EXT1: variants seen among roughly 807,000 people sequenced by gnomAD.
EXT1 encodes exostosin glycosyltransferase 1.
In EXT1, 20 loss-of-function variants were observed where a neutral mutation model predicts 82.5. The observed-to-expected ratio is 0.24, with a 90% CI of 0.17 to 0.35. The LOEUF (loss-of-function observed/expected upper bound fraction) is 0.35. Ranked by LOEUF, EXT1 falls within the 10% of genes least tolerant of loss-of-function variation. EXT1 has a pLI of 1.00. For synonymous variants in EXT1, 348 were observed against 350.8 expected (o/e 0.99, Z 0.09); for missense variants, 757 against 936.5 (o/e 0.81, Z 2.50).
intron 1 of EXT1, among the ~76,000 whole-genome samples, chr8:118,037,843 T>TTTG (rs1554595720): frequency 1.4e-5 from 2 of 143,112 alleles, no homozygotes; most frequent in African/African-American, 5.2e-5. Context: ...TTTGTTTTTT[T>TTTG]TTTTTTTTTT....
intron 1 of EXT1, among the ~76,000 whole-genome samples, chr8:117,955,090 G>C (rs1275545840): frequency 6.6e-6 from 1 of 152,132 alleles, no homozygotes; most frequent in East Asian, 1.9e-4. Context: ...TATTAAAAAG[G>C]ACATAATGGA....
intron 1 of EXT1, among the ~76,000 whole-genome samples, chr8:117,879,759 A>C (rs890443620): frequency 6.6e-6 from 1 of 152,218 alleles, no homozygotes; most frequent in Admixed American, 6.5e-5. Flanking sequence ...AAAGAGAACT[A>C]GAAATAGTTC....
At chr8:118,026,721 A>T (rs1183865022) in intron 1 of EXT1, among the ~76,000 whole-genome samples, 1 of 152,192 alleles carries the variant, frequency 6.6e-6, no homozygotes, top group Non-Finnish European at 1.5e-5. Context: ...GGGAGGGAAC[A>T]GCATTAGCTA....
chr8:118,033,417 G>C (rs1445230142), intron 1 of EXT1, among the ~76,000 whole-genome samples: 1 of 152,170 alleles, frequency 6.6e-6, no homozygotes, highest in African/African-American at 2.4e-5. Flanking sequence ...ATTTAAGTCA[G>C]ACTTAAGTCA....
intron 8 of EXT1, among the ~76,000 whole-genome samples, chr8:117,809,218 A>AATATATATATAT (rs71307404): frequency 0.04 from 4,310 of 107,682 alleles, 132 homozygotes; most frequent in Non-Finnish European, 0.056. Context: ...TGTGTGTATA[A>AATATATATATAT]ATATATATAT....
intron 1 of EXT1, among the ~76,000 whole-genome samples, chr8:117,936,789 C>G (rs1814172639): frequency 6.6e-6 from 1 of 152,164 alleles, no homozygotes. Flanking sequence ...GCAGGAGAAT[C>G]ACTTGAAACC....
chr8:118,098,572 T>C (rs143820687), intron 1 of EXT1, among the ~76,000 whole-genome samples: 5,465 of 152,018 alleles, frequency 0.036, 193 homozygotes, highest in Admixed American at 0.11. Context: ...CTGGCTAACA[T>C]GGTGAAACCC....
At chr8:117,866,059 T>G (rs540719189) in intron 1 of EXT1, among the ~76,000 whole-genome samples, 2 of 152,056 alleles carry the variant, frequency 1.3e-5, no homozygotes, top group African/African-American at 4.8e-5. Context: ...ACCCCATCTC[T>G]ACTAAAACTA....
At chr8:117,904,979 A>C (rs1266558628) in intron 1 of EXT1, among the ~76,000 whole-genome samples, 1 of 152,206 alleles carries the variant, frequency 6.6e-6, no homozygotes, top group African/African-American at 2.4e-5. Context: ...CTGGACATTT[A>C]AGATGTGTGA....
intron 1 of EXT1, among the ~76,000 whole-genome samples, chr8:118,033,541 T>C (rs17505359): frequency 6.6e-6 from 1 of 152,202 alleles, no homozygotes; most frequent in African/African-American, 2.4e-5. Flanking sequence ...TGCAGTGGCA[T>C]GATCATAGTT....
chr8:118,049,121 A>T (rs1816677775), intron 1 of EXT1, among the ~76,000 whole-genome samples: 1 of 152,242 alleles, frequency 6.6e-6, no homozygotes, highest in Non-Finnish European at 1.5e-5. Flanking sequence ...AAAGAAAAAA[A>T]ACAGGTAGAA....
At chr8:117,967,115 A>G (rs1459686646) in intron 1 of EXT1, among the ~76,000 whole-genome samples, 3 of 152,268 alleles carry the variant, frequency 2.0e-5, no homozygotes, top group Admixed American at 6.5e-5. Flanking sequence ...TGATTAAATC[A>G]TAACACACCA....
At chr8:117,976,183 A>T (rs1815061555) in intron 1 of EXT1, among the ~76,000 whole-genome samples, 1 of 152,250 alleles carries the variant, frequency 6.6e-6, no homozygotes, top group Non-Finnish European at 1.5e-5. Flanking sequence ...GCTTACTATG[A>T]AGCACAATTC....
At chr8:117,938,100 G>C (rs60553718) in intron 1 of EXT1, among the ~76,000 whole-genome samples, 4 of 152,188 alleles carry the variant, frequency 2.6e-5, no homozygotes, top group African/African-American at 9.7e-5. Flanking sequence ...CAGAGATCCA[G>C]AACAGTTTCT....
chr8:117,943,148 G>A (rs1814320835), intron 1 of EXT1, among the ~76,000 whole-genome samples: 1 of 152,218 alleles, frequency 6.6e-6, no homozygotes, highest in Non-Finnish European at 1.5e-5. Flanking sequence ...TCTTTAAAGA[G>A]TATTTGCTAA....
At chr8:117,840,071 T>C (rs986633741) in intron 1 of EXT1, among the ~76,000 whole-genome samples, 1 of 152,174 alleles carries the variant, frequency 6.6e-6, no homozygotes, top group African/African-American at 2.4e-5. Context: ...GTAACAATCA[T>C]AAAAACATTT....
intron 1 of EXT1, among the ~76,000 whole-genome samples, chr8:118,044,103 G>A (rs1309050288): frequency 2.6e-5 from 4 of 152,178 alleles, no homozygotes; most frequent in African/African-American, 4.8e-5. Flanking sequence ...TCAGGGTTAC[G>A]TATAACGCCG....
chr8:117,804,685 T>C (rs750818465), intron 10 of EXT1, 37 bp downstream of exon 10: 3 of 1,612,300 alleles, frequency 1.9e-6, no homozygotes, highest in Admixed American at 1.7e-5. Context: ...GAACCACCAG[T>C]GAGTGAAGCA....
chr8:118,070,132 T>C, intron 1 of EXT1, among the ~76,000 whole-genome samples: 1 of 152,256 alleles, frequency 6.6e-6, no homozygotes, highest in East Asian at 1.9e-4. Context: ...ACACCGATGG[T>C]GCGTTTTTAC....
Sources: allele counts gnomAD v4.1 joint callset (sites outside exome capture counted in the v4.1 genomes callset), GRCh38; gene constraint gnomAD v4.1.1; transcripts MANE v1.5; gene names NCBI Gene and HGNC (gene_info 2026-07-23, HGNC 2026-07-21).